The following SIPA1L3 variants were observed in gnomAD, a reference collection of about 807,000 sequenced individuals.
The protein encoded by SIPA1L3 is signal induced proliferation associated 1 like 3.
In SIPA1L3, 59 loss-of-function variants were observed where a neutral mutation model predicts 150.1. The ratio of observed to expected loss-of-function variants is 0.39; its 90% CI spans 0.32 to 0.49. SIPA1L3 has a LOEUF of 0.49. SIPA1L3 is among the 20% of genes least tolerant of loss of function. The pLI, the probability that SIPA1L3 is intolerant of heterozygous loss-of-function variation, is 0.86. For synonymous variants in SIPA1L3, 1,070 were observed against 1,077.6 expected, an observed-to-expected ratio of 0.99 and a Z score of 0.14; for missense variants, 2,211 against 2,489.5, an observed-to-expected ratio of 0.89 and a Z score of 2.38.
At chr19:38,124,863 G>A (rs1378552343) in intron 9 of SIPA1L3, among the ~76,000 whole-genome samples, 2 of 152,146 alleles carry the variant, frequency 1.3e-5, no homozygotes, top group East Asian at 1.9e-4. Flanking sequence ...CCAGTCAGGT[G>A]TGGCGGCGCG....
intron 9 of SIPA1L3, among the ~76,000 whole-genome samples, chr19:38,122,152 C>T (rs1971036034): frequency 6.6e-6 from 1 of 152,042 alleles, no homozygotes; most frequent in Non-Finnish European, 1.5e-5. Flanking sequence ...ATCCGAGAGG[C>T]AGAGGTTGCA....
rs1428036062 is a variant in SIPA1L3 at position 38,030,603 on chromosome 19, TTATATATATATATGTGGCAAATATATATA to T, written c.-311+1461_-311+1489del. Reference sequence around the variant, plus strand: ...TGGGTAATGGGTATTTACACATATTTTATATATATATATGTGGCAAATATATATATATATATATATATATATATGGCAAA... The same window carrying T: ...TGGGTAATGGGTATTTACACATATTTTATATATATATATATATATGGCAAA... On this transcript the variant is annotated intron_variant, in intron 2 of 21. Coordinates refer to ENST00000222345, the MANE Select transcript of SIPA1L3 (RefSeq NM_015073.3). 1.6e-4 allele frequency among the ~76,000 whole-genome samples: 22 copies of T among 138,438 alleles called. No homozygotes were observed. In the East Asian group the frequency reaches 2.4e-3, roughly 15 times the overall value. 90.8% of individuals were successfully genotyped at this position (138,438 alleles called of 152,430 possible). A position where few individuals can be genotyped will look rare whatever the true frequency, so the allele number is the denominator to read the frequency against.
At chr19:38,178,110 T>G (rs983119400) in intron 15 of SIPA1L3, among the ~76,000 whole-genome samples, 4 of 149,702 alleles carry the variant, frequency 2.7e-5, no homozygotes, top group Non-Finnish European at 4.4e-5. Context: ...TGTGTGTGTG[T>G]GTGTGTGTGT....
intron 2 of SIPA1L3, among the ~76,000 whole-genome samples, chr19:38,039,321 G>A (rs8112206): frequency 0.88 from 132,642 of 151,122 alleles, 58,185 homozygotes; most frequent in East Asian, 0.94. Context: ...CCTAAAAAAT[G>A]CCATACGTGC....
intron 2 of SIPA1L3, among the ~76,000 whole-genome samples, chr19:38,057,556 T>G (rs1248598214): frequency 6.6e-6 from 1 of 152,034 alleles, no homozygotes; most frequent in Non-Finnish European, 1.5e-5. Flanking sequence ...TTTTTGCCTG[T>G]TATAAAGGAT....
chr19:37,939,525 G>A (rs1004790227), intron 1 of SIPA1L3, among the ~76,000 whole-genome samples: 4 of 151,994 alleles, frequency 2.6e-5, no homozygotes, highest in East Asian at 1.9e-4. Context: ...ATAGACAGGC[G>A]AGCCTGTGTT....
At chr19:38,010,396 C>A (rs1210891564) in intron 1 of SIPA1L3, among the ~76,000 whole-genome samples, 1 of 139,330 alleles carries the variant, frequency 7.2e-6, no homozygotes, top group Non-Finnish European at 1.5e-5. Flanking sequence ...TGACAGAGAA[C>A]CTGTCTCTCA....
intron 1 of SIPA1L3, among the ~76,000 whole-genome samples, chr19:38,025,749 G>T (rs761586829): frequency 2.6e-5 from 4 of 152,158 alleles, no homozygotes; most frequent in Non-Finnish European, 4.4e-5. Flanking sequence ...TTTAAAATGG[G>T]AAGTCTAGTG....
Position 38,101,166 on chromosome 19 carries a change from A to G in SIPA1L3, c.1969A>G (p.Ile657Val), listed in dbSNP as rs1173010063. The change falls in exon 6 of 22, where the codon ATC becomes GTC. Residue 657 changes from isoleucine to valine, a missense_variant. This residue lies in a region of SIPA1L3 where 625 missense variants were observed against 804.2 expected (regional missense o/e 0.78). Coordinates refer to ENST00000222345, the MANE Select transcript of SIPA1L3 (RefSeq NM_015073.3). ...CGCCTTTGAGGAGTTCCTCTCCCTCATCGGCGAGAAGGTCTGCCTGAAGGG... is the reference window on the plus strand; with the variant it reads ...CGCCTTTGAGGAGTTCCTCTCCCTCGTCGGCGAGAAGGTCTGCCTGAAGGG... ...GPAFEEFLSL[I>V]GEKVCLKGFT... 5.6e-6 allele frequency: 9 copies of G among 1,609,428 alleles called. No homozygotes were observed. In the East Asian group the frequency reaches 8.9e-5, roughly 16 times the overall value.
chr19:37,922,692 C>G (rs2046467528), intron 1 of SIPA1L3, among the ~76,000 whole-genome samples: 1 of 151,878 alleles, frequency 6.6e-6, no homozygotes, highest in African/African-American at 2.4e-5. Flanking sequence ...TGAGCCCGGC[C>G]TTGATTTTTA....
At chr19:37,955,088 C>CAAAA (rs34802797) in intron 1 of SIPA1L3, among the ~76,000 whole-genome samples, 2 of 45,416 alleles carry the variant, frequency 4.4e-5, no homozygotes, top group African/African-American at 1.8e-4. Context: ...TGCTGTCTCT[C>CAAAA]AAAAAAAAAA....
In SIPA1L3 at chr19:38,088,750, A is replaced by G. The variant is rs1600049406; in HGVS notation, c.1564A>G (p.Lys522Glu). ...TGCCAATTACTTCGGCGTGGATGAGAAGCTGGGGCCAGTGGCTGTGAGCAT... is the reference window on the plus strand; with the variant it reads ...TGCCAATTACTTCGGCGTGGATGAGGAGCTGGGGCCAGTGGCTGTGAGCAT... ...EHANYFGVDE[K>E]LGPVAVSIKR... The change falls in exon 4 of 22, where the codon AAG becomes GAG. Residue 522 changes from lysine to glutamate, a missense_variant. Transcript: ENST00000222345. 1 of 1,613,954 alleles carries G rather than the reference A, an allele frequency of 6.2e-7. No homozygotes were observed. Among genetic ancestry groups the G allele is most frequent in the Non-Finnish European group, 8.5e-7 (1 of 1,179,906 alleles).
chr19:38,046,157 A>G lies in SIPA1L3; in HGVS notation c.-311+17001A>G, dbSNP rs1380426267. ...TGAGAGGAGCTTTCTATAGACGAGA[A>G]GGTGCCCTGGTTCTCGACTCATCAG... On this transcript the variant is annotated intron_variant, in intron 2 of 21. Transcript: ENST00000222345. This position sits in a 1 kb window ranked among gnomAD's most constrained non-coding sequence, Gnocchi z 5.6. Among the ~76,000 whole-genome samples, 1 of 152,084 alleles carries G rather than the reference A, an allele frequency of 6.6e-6. No homozygotes were observed. The highest frequency in any genetic ancestry group is 1.9e-4 in the East Asian group (1 of 5,146).
At chr19:38,197,657 C>G (rs1051249360) in intron 18 of SIPA1L3, among the ~76,000 whole-genome samples, 11 of 151,980 alleles carry the variant, frequency 7.2e-5, no homozygotes, top group Admixed American at 5.9e-4. Flanking sequence ...TCTGATCCCC[C>G]ACCCCAGCCT....
intron 10 of SIPA1L3, among the ~76,000 whole-genome samples, chr19:38,138,096 A>C (rs1310847216): frequency 6.6e-6 from 1 of 152,046 alleles, no homozygotes; most frequent in South Asian, 2.1e-4. Context: ...ACGCCACTGC[A>C]CTCTAGCCTG....
At chr19:38,176,885 C>T (rs1029918178) in intron 15 of SIPA1L3, among the ~76,000 whole-genome samples, 8 of 150,480 alleles carry the variant, frequency 5.3e-5, no homozygotes, top group Admixed American at 2.6e-4. Context: ...GCAGGAGAAT[C>T]GCTTGAACCT....
In SIPA1L3 at chr19:38,124,095, G is replaced by A. The variant is rs1340464097; in HGVS notation, c.2868+4213G>A. 9.4e-5 allele frequency among the ~76,000 whole-genome samples: 14 copies of A among 149,664 alleles called. No homozygotes were observed. The East Asian group carries it at 1.8e-3, about 19-fold the overall frequency. On this transcript the variant is annotated intron_variant, in intron 9 of 21. Transcript: ENST00000222345. ...TCCCGGACGGGGCGGCTGGCCGGGCGGGGGGCTGACCCCCCACCTCCCTCC... is the reference window on the plus strand; with the variant it reads ...TCCCGGACGGGGCGGCTGGCCGGGCAGGGGGCTGACCCCCCACCTCCCTCC...
intron 1 of SIPA1L3, among the ~76,000 whole-genome samples, chr19:37,943,032 CTCTTTTTT>C (rs1049232062): frequency 6.1e-5 from 7 of 114,564 alleles, no homozygotes; most frequent in Middle Eastern, 4.7e-3. Context: ...CTCTCTCTCT[CTCTTTTTT>C]TTTTTTTTTT....
At chr19:38,153,985 T>A (rs938847001) in intron 13 of SIPA1L3, among the ~76,000 whole-genome samples, 1 of 152,018 alleles carries the variant, frequency 6.6e-6, no homozygotes, top group Admixed American at 6.6e-5. Context: ...TGATAACCTA[T>A]CGCAGAGTGG....
Sources: gnomAD v4.1 joint callset for allele counts (sites outside exome capture counted in the v4.1 genomes callset) on GRCh38, gnomAD v4.1.1 for gene constraint, gnomAD v4.1.1 regional missense constraint, Gnocchi (gnomAD v3.1) non-coding constraint, MANE v1.5 for transcripts, NCBI Gene and HGNC (gene_info 2026-07-23, HGNC 2026-07-21) for gene names.